Variants in PLCB4 observed in about 807,000 individuals in gnomAD.
PLCB4 encodes the protein phospholipase C beta 4.
PLCB4 carries 77 observed loss-of-function variants against 178.8 expected under a neutral mutation model. That is an observed-to-expected ratio of 0.43 (90% CI 0.36 to 0.52). The LOEUF (loss-of-function observed/expected upper bound fraction) is 0.52, where lower values mean the gene tolerates loss of function less well. PLCB4 is among the 20% of genes least tolerant of loss of function. PLCB4 has a pLI of 0.00. For synonymous variants in PLCB4, 496 were observed against 490.8 expected (o/e 1.01, Z -0.14); for missense variants, 1,024 against 1,453.4 (o/e 0.70, Z 4.80).
At chr20:9,129,915 A>G (rs904413323) in intron 2 of PLCB4, among the ~76,000 whole-genome samples, 2 of 152,118 alleles carry the variant, frequency 1.3e-5, no homozygotes, top group African/African-American at 4.8e-5. Context: ...GTTGTTTTCT[A>G]TATATAGATT....
chr20:9,407,350 G>C (rs968524877), intron 21 of PLCB4, among the ~76,000 whole-genome samples: 5 of 151,752 alleles, frequency 3.3e-5, no homozygotes, highest in African/African-American at 9.7e-5. Flanking sequence ...TAGCATTGCT[G>C]TGAGGTCCAA....
At chr20:9,310,669 GCCCCCAC>G (rs1555785766) in intron 4 of PLCB4, among the ~76,000 whole-genome samples, 8 of 151,890 alleles carry the variant, frequency 5.3e-5, no homozygotes, top group Non-Finnish European at 2.9e-5. Flanking sequence ...CCAAGATCAC[GCCCCCAC>G]ACACCAACCT....
intron 4 of PLCB4, among the ~76,000 whole-genome samples, chr20:9,318,697 G>A (rs2094927276): frequency 6.6e-6 from 1 of 152,176 alleles, no homozygotes; most frequent in African/African-American, 2.4e-5. Context: ...TTAAGGAAAA[G>A]GCAAGGTGGG....
chr20:9,151,819 G>A (rs1343545307), intron 2 of PLCB4, among the ~76,000 whole-genome samples: 1 of 152,186 alleles, frequency 6.6e-6, no homozygotes, highest in Non-Finnish European at 1.5e-5. Flanking sequence ...GGGCTCAGAA[G>A]AAGATAGGAA....
intron 2 of PLCB4, among the ~76,000 whole-genome samples, chr20:9,201,271 C>T (rs1261314193): frequency 1.3e-5 from 2 of 152,056 alleles, no homozygotes; most frequent in African/African-American, 2.4e-5. Context: ...GACAAACTGC[C>T]TTTTATAATA....
intron 10 of PLCB4, 59 bp downstream of exon 10, chr20:9,371,354 T>A (rs969535056): frequency 2.3e-6 from 2 of 866,330 alleles, no homozygotes; most frequent in East Asian, 2.4e-5. Context: ...TCTTCTCATA[T>A]GTAATGAGCT....
intron 2 of PLCB4, among the ~76,000 whole-genome samples, chr20:9,138,436 C>T (rs1258140943): frequency 1.3e-5 from 2 of 151,918 alleles, no homozygotes; most frequent in East Asian, 3.9e-4. Context: ...TATCATATAG[C>T]ACATGTTTTA....
chr20:9,101,241 A>G (rs976276794), intron 2 of PLCB4, among the ~76,000 whole-genome samples: 1 of 152,186 alleles, frequency 6.6e-6, no homozygotes, highest in African/African-American at 2.4e-5. Context: ...ACAGTCCTGT[A>G]GGGCAAATCT....
intron 4 of PLCB4, among the ~76,000 whole-genome samples, chr20:9,309,821 G>T (rs908153170): frequency 2.0e-5 from 3 of 151,802 alleles, no homozygotes; most frequent in Non-Finnish European, 2.9e-5. Flanking sequence ...TGTTTTTTTT[G>T]ATTATTAATC....
chr20:9,258,639 C>T (rs922613389), intron 3 of PLCB4, among the ~76,000 whole-genome samples: 35 of 141,694 alleles, frequency 2.5e-4, no homozygotes, highest in Admixed American at 6.9e-4. Flanking sequence ...CGCTTGAACT[C>T]GGGAGGCGGA....
At chr20:9,116,683 C>A (rs1279046296) in intron 2 of PLCB4, among the ~76,000 whole-genome samples, 1 of 151,940 alleles carries the variant, frequency 6.6e-6, no homozygotes, top group South Asian at 2.1e-4. Context: ...GCCCCTTTAC[C>A]CTTCAAATAA....
At chr20:9,386,282 G>A (rs961265124) in intron 14 of PLCB4, among the ~76,000 whole-genome samples, 3 of 152,098 alleles carry the variant, frequency 2.0e-5, no homozygotes, top group African/African-American at 7.2e-5. Flanking sequence ...GAGGGAGAGG[G>A]AGAGGGTAAA....
Position 9,438,625 on chromosome 20 carries a change from G to A in PLCB4, c.2764+1473G>A, listed in dbSNP as rs77191948. 3.0e-4 allele frequency among the ~76,000 whole-genome samples: 45 copies of A among 152,258 alleles called. No individual in the cohort carries two copies. In the East Asian group the frequency reaches 8.7e-3, roughly 29 times the overall value. ...AATTACCAAATCTATATCAGGTGGA[G>A]AAGAAGAAGGAGGGACAGAGAAACA... On this transcript the variant is annotated intron_variant, in intron 30 of 39. Transcript: ENST00000378473.
At chr20:9,245,875 A>G (rs962966011) in intron 3 of PLCB4, among the ~76,000 whole-genome samples, 37 of 152,100 alleles carry the variant, frequency 2.4e-4, no homozygotes, top group African/African-American at 7.7e-4. Flanking sequence ...CTCGTGATCC[A>G]TCCGCCTCAG....
chr20:9,378,032 G>A (rs2036822572), intron 12 of PLCB4, among the ~76,000 whole-genome samples: 1 of 152,062 alleles, frequency 6.6e-6, no homozygotes, highest in African/African-American at 2.4e-5. Context: ...TGTTGGTGAG[G>A]CTGATGCTGC....
At chr20:9,069,054 A>C (rs998230737), upstream of PLCB4, 1 of 153,060 alleles carries the variant, frequency 6.5e-6, no homozygotes, top group Non-Finnish European at 1.5e-5. Context: ...CGCCGGGAGC[A>C]GTAAGTGAGC....
intron 12 of PLCB4, among the ~76,000 whole-genome samples, chr20:9,373,448 A>C (rs1444898733): frequency 2.0e-5 from 3 of 152,198 alleles, no homozygotes; most frequent in Non-Finnish European, 4.4e-5. Context: ...GATCTCATTA[A>C]ATAGAAAGAG....
chr20:9,072,797 T>A lies in PLCB4; in HGVS notation c.-135+3591T>A, dbSNP rs1390080992. On this transcript the variant is annotated intron_variant, in intron 1 of 39. Transcript: ENST00000378473. ...TACCTTTCAAATCTCAGCTAGGAGATCCTTATGTTCCAGGGAATGAATGAC... is the reference window on the plus strand; with the variant it reads ...TACCTTTCAAATCTCAGCTAGGAGAACCTTATGTTCCAGGGAATGAATGAC... Among the ~76,000 whole-genome samples the A allele has an allele frequency of 1.3e-5, 2 of 152,216 alleles. 1 individual carries two copies. Among genetic ancestry groups the A allele is most frequent in the Non-Finnish European group, 2.9e-5 (2 of 68,034 alleles).
rs571189046 is a variant in PLCB4, at chr20:9,384,783, C to A, written c.1064+372C>A. 8.1e-5 allele frequency among the ~76,000 whole-genome samples: 12 copies of A among 148,638 alleles called. No individual in the cohort carries two copies. The South Asian group carries it at 1.3e-3, about 16-fold the overall frequency. Reference sequence around the variant, plus strand: ...GCTAACTGGCCATTGATTATAGGCACTTGTAAATTAGCTTTTTTTTTTTTT... The same window carrying A: ...GCTAACTGGCCATTGATTATAGGCAATTGTAAATTAGCTTTTTTTTTTTTT... On this transcript the variant is annotated intron_variant, in intron 14 of 39. Coordinates refer to ENST00000378473, the MANE Select transcript of PLCB4 (RefSeq NM_001377142.1).
Sources: allele counts gnomAD v4.1 joint callset (sites outside exome capture counted in the v4.1 genomes callset), GRCh38; gene constraint gnomAD v4.1.1; transcripts MANE v1.5; gene names NCBI Gene and HGNC (gene_info 2026-07-23, HGNC 2026-07-21).